BCL9L: variants seen among roughly 807,000 people sequenced by gnomAD.
BCL9L encodes B-cell CLL/lymphoma 9-like protein.
A neutral mutation model predicts 99.4 loss-of-function variants in BCL9L; 19 were observed. That is an observed-to-expected ratio of 0.19 (90% CI 0.13 to 0.28). BCL9L has a LOEUF of 0.28. Ranked by LOEUF, BCL9L falls within the 10% of genes least tolerant of loss-of-function variation. BCL9L has a pLI of 1.00. For missense variants in BCL9L, 2,023 were observed against 2,101.6 expected, an observed-to-expected ratio of 0.96 and a Z score of 0.73; for synonymous variants, 900 against 854.8, an observed-to-expected ratio of 1.05 and a Z score of -0.92.
In BCL9L at chr11:118,901,143, T is replaced by C; in HGVS notation, c.2600A>G (p.Gln867Arg). Residue 867 changes from glutamine (Q) to arginine (R), a missense_variant, in exon 8 of 10, where the codon CAA (glutamine) becomes CGA (arginine). Transcript: ENST00000683865. The surrounding 1 kb of genome is among the most constrained non-coding windows in gnomAD (Gnocchi z 6.6). ...GCTCTGATCAGGGCTGAACATGTCTTGGGTATTGCCCATGTCCTGGGACAT... is the reference window on the plus strand; with the variant it reads ...GCTCTGATCAGGGCTGAACATGTCTCGGGTATTGCCCATGTCCTGGGACAT... ...QAMSQDMGNT[Q>R]DMFSPDQSSM... The C allele has an allele frequency of 6.2e-7, 1 of 1,613,786 alleles. No individual in the cohort carries two copies. Among genetic ancestry groups the C allele is most frequent in the Non-Finnish European group, 8.5e-7 (1 of 1,179,814 alleles).
In BCL9L at chr11:118,900,575, CGCCTGCCTGCCTGCCT is replaced by C. The variant is rs756712665; in HGVS notation, c.3124+28_3124+43del. 1.9e-6 allele frequency: 3 copies of C among 1,558,136 alleles called. No homozygotes were observed. The highest frequency in any genetic ancestry group is 2.7e-5 in the African/African-American group (2 of 74,182). ...GCCCCAGCATGGACACACTGCTCAG[CGCCTGCCTGCCTGCCT>C]GCCTGCCTGCCTGCGCAATTGACTC... is the stretch of plus-strand genomic sequence containing the variant. On this transcript the variant is annotated intron_variant, in intron 8 of 9. Transcript: ENST00000683865. The surrounding 1 kb of genome is among the most constrained non-coding windows in gnomAD (Gnocchi z 5.3).
Position 118,925,410 on chromosome 11 carries a change from G to A in BCL9L, c.-303C>T, listed in dbSNP as rs1941252733. On this transcript the variant is annotated 5_prime_UTR_variant, in exon 1 of 10. Transcript: ENST00000683865. The surrounding 1 kb of genome is among the most constrained non-coding windows in gnomAD (Gnocchi z 6.4). ...TGATCTCAATACCAGCCCGGCCCGG[G>A]AGAGGCTATCCGGGGATCGCTGGGT... is the stretch of plus-strand genomic sequence containing the variant. 1 of 152,222 alleles carries A rather than the reference G, an allele frequency of 6.6e-6. No homozygotes were observed. Among genetic ancestry groups the A allele is most frequent in the African/African-American group, 2.4e-5 (1 of 41,472 alleles). 9.4% of individuals were successfully genotyped at this position (152,222 alleles called of 1,614,324 possible). A position where few individuals can be genotyped will look rare whatever the true frequency, so the allele number is the denominator to read the frequency against.
intron 2 of BCL9L, among the ~76,000 whole-genome samples, chr11:118,911,936 T>C (rs1940810345): frequency 6.6e-6 from 1 of 152,258 alleles, no homozygotes; most frequent in African/African-American, 2.4e-5. Flanking sequence ...GGGAAGGGGC[T>C]ATTAGAAAAT....
chr11:118,903,142 CACCCT>C lies in BCL9L; in HGVS notation c.750-73_750-69del. ...GAGGGAGCCCCACCCTCACCCACCCCACCCTGCCCCTGCACGGGGCTCCCTCGGAA... is the reference window on the plus strand; with the variant it reads ...GAGGGAGCCCCACCCTCACCCACCCCGCCCCTGCACGGGGCTCCCTCGGAA... On this transcript the variant is annotated intron_variant, in intron 6 of 9. Coordinates refer to ENST00000683865, the MANE Select transcript of BCL9L (RefSeq NM_001378213.1). This position sits in a 1 kb window ranked among gnomAD's most constrained non-coding sequence, Gnocchi z 5.6. 1 of 1,546,960 alleles carries C rather than the reference CACCCT, an allele frequency of 6.5e-7. No homozygotes were observed. Among genetic ancestry groups the C allele is most frequent in the Non-Finnish European group, 8.7e-7 (1 of 1,146,694 alleles).
chr11:118,920,645 G>A (rs935929123), intron 1 of BCL9L, among the ~76,000 whole-genome samples: 1 of 152,066 alleles, frequency 6.6e-6, no homozygotes, highest in Non-Finnish European at 1.5e-5. Context: ...TTAGAACACC[G>A]AGCCTCTCTG....
intron 2 of BCL9L, among the ~76,000 whole-genome samples, chr11:118,917,365 G>A (rs142594826): frequency 9.6e-4 from 146 of 152,292 alleles, no homozygotes; most frequent in African/African-American, 3.3e-3. Flanking sequence ...AATGCTTCAC[G>A]TGCATCCTCT....
rs146906683 is a variant in BCL9L at position 118,900,899 on chromosome 11, G to A, written c.2844C>T (p.Pro948=). 7.8e-5 allele frequency: 125 copies of A among 1,593,816 alleles called. No homozygotes were observed. Among genetic ancestry groups the A allele is most frequent in the Non-Finnish European group, 6.3e-5 (73 of 1,167,632 alleles). Reference sequence around the variant, plus strand: ...TCTGGGGTGACTTGAGGTTGGCAGAGGGCGAGGTGACCAGGGGTGAGTGCA... The same window carrying A: ...TCTGGGGTGACTTGAGGTTGGCAGAAGGCGAGGTGACCAGGGGTGAGTGCA... ...SQVHSPLVTS[P]SANLKSPQTP... Residue 948 remains proline, a synonymous_variant, in exon 8 of 10, where the codon CCC becomes CCT. Coordinates refer to ENST00000683865, the MANE Select transcript of BCL9L (RefSeq NM_001378213.1). This position sits in a 1 kb window ranked among gnomAD's most constrained non-coding sequence, Gnocchi z 5.3.
intron 1 of BCL9L, among the ~76,000 whole-genome samples, chr11:118,920,733 G>C (rs1216003365): frequency 6.6e-6 from 1 of 152,176 alleles, no homozygotes; most frequent in African/African-American, 2.4e-5. Context: ...CTAGGTGTCC[G>C]TGAGGGGTAG....
At chr11:118,916,229 A>C (rs1003064235) in intron 2 of BCL9L, among the ~76,000 whole-genome samples, 1 of 152,104 alleles carries the variant, frequency 6.6e-6, no homozygotes, top group African/African-American at 2.4e-5. Context: ...GCTCCAGCCC[A>C]CCCCTCTTGG....
Position 118,925,088 on chromosome 11 carries a change from T to TC in BCL9L, c.-131+149dup. ...GTAGCCTCCACTGACCCTGGGGGAGTCCCCCACACCTTAAACAGCCTGGGG... is the reference window on the plus strand; with the variant it reads ...GTAGCCTCCACTGACCCTGGGGGAGTCCCCCCACACCTTAAACAGCCTGGGG... On this transcript the variant is annotated intron_variant, in intron 1 of 9. Coordinates refer to ENST00000683865, the MANE Select transcript of BCL9L (RefSeq NM_001378213.1). The surrounding 1 kb of genome is among the most constrained non-coding windows in gnomAD (Gnocchi z 6.4). 6.6e-6 allele frequency: 1 copy of TC among 151,950 alleles called. No homozygotes were observed. Among genetic ancestry groups the TC allele is most frequent in the Admixed American group, 6.6e-5 (1 of 15,266 alleles). 9.4% of individuals were successfully genotyped at this position (151,950 alleles called of 1,614,324 possible). A position where few individuals can be genotyped will look rare whatever the true frequency, so the allele number is the denominator to read the frequency against.
Position 118,905,710 on chromosome 11 carries a change from G to A in BCL9L, c.532+1773C>T, listed in dbSNP as rs547962697. On this transcript the variant is annotated intron_variant, in intron 5 of 9. Transcript: ENST00000683865. The stretch of plus-strand genomic sequence containing the variant: ...CAGGTGCCTGTAATCCCAGCTACTC[G>A]GGAGGCTGAGGCAGGAAAATCGCTT... Among the ~76,000 whole-genome samples the A allele has an allele frequency of 8.6e-5, 13 of 151,860 alleles. No individual in the cohort carries two copies. In the East Asian group the frequency reaches 1.5e-3, roughly 18 times the overall value.
At chr11:118,905,304 T>C (rs1591985644) in intron 5 of BCL9L, among the ~76,000 whole-genome samples, 1 of 151,312 alleles carries the variant, frequency 6.6e-6, no homozygotes, top group Non-Finnish European at 1.5e-5. Flanking sequence ...AGGGCAGGAG[T>C]TCAAGACCAG....
chr11:118,910,368 G>A (rs1940727626), intron 2 of BCL9L: 1 of 181,772 alleles, frequency 5.5e-6, no homozygotes, highest in South Asian at 1.1e-4. Flanking sequence ...CCTCACCCAG[G>A]GTGGGGTACC....
Position 118,903,028 on chromosome 11 carries a change from A to G in BCL9L, c.796T>C (p.Tyr266His). The change falls in exon 7 of 10, where the codon TAC (tyrosine) becomes CAC (histidine). Residue 266 changes from tyrosine (Y) to histidine (H), a missense_variant. Physicochemically the swap from Tyr to His is moderately conservative, Grantham distance 83 (BLOSUM62 2). Coordinates refer to ENST00000683865, the MANE Select transcript of BCL9L (RefSeq NM_001378213.1). The surrounding 1 kb of genome is among the most constrained non-coding windows in gnomAD (Gnocchi z 5.6). ...LQGRADSILA[Y>H]HQQNVPRAKL... ...GCCCGGGGCACGTTCTGCTGGTGGT[A>G]GGCGAGGATGGAGTCGGCCCGGCCC... The G allele has an allele frequency of 1.3e-6, 2 of 1,595,432 alleles. No homozygotes were observed. The highest frequency in any genetic ancestry group is 1.7e-6 in the Non-Finnish European group (2 of 1,174,850).
At position 118,901,385 on chromosome 11, in the gene BCL9L, C is replaced by T. The variant is rs899587692; in HGVS notation, c.2358G>A (p.Val786=). 4 of 1,613,834 alleles carry T rather than the reference C, an allele frequency of 2.5e-6. No individual in the cohort carries two copies. The African/African-American group carries it at 5.3e-5, about 22-fold the overall frequency. ...GCATCTGCTGCTGCGGGGTCATCTGCACGTTCAGGTTCATGTTCATGTTCA... is the reference window on the plus strand; with the variant it reads ...GCATCTGCTGCTGCGGGGTCATCTGTACGTTCAGGTTCATGTTCATGTTCA... ...VNMNMNMNLN[V]QMTPQQQMLM... Residue 786 remains valine, a synonymous_variant, in exon 8 of 10, where the codon GTG becomes GTA. Transcript: ENST00000683865. The surrounding 1 kb of genome is among the most constrained non-coding windows in gnomAD (Gnocchi z 6.6).
chr11:118,918,010 C>T (rs1941018391), intron 2 of BCL9L, among the ~76,000 whole-genome samples: 1 of 152,238 alleles, frequency 6.6e-6, no homozygotes, highest in Admixed American at 6.5e-5. Flanking sequence ...CTCCCCATCT[C>T]TTTCATTCCT....
rs180857346 is a variant in BCL9L at position 118,898,034 on chromosome 11, G to C, written c.*381C>G. On this transcript the variant is annotated 3_prime_UTR_variant, in exon 10 of 10. Coordinates refer to ENST00000683865, the MANE Select transcript of BCL9L (RefSeq NM_001378213.1). ...GACAGGAGCAGAAGGGGCTGGGGGA[G>C]ACCTGACCTGTCCTTCCTCTCTCCC... is the stretch of plus-strand genomic sequence containing the variant. 4 of 417,312 alleles carry C rather than the reference G, an allele frequency of 9.6e-6. No homozygotes were observed. Among genetic ancestry groups the C allele is most frequent in the Non-Finnish European group, 1.8e-5 (4 of 220,048 alleles). The allele number at this position is 417,312 out of a possible 1,614,324, so 25.9% of individuals were successfully genotyped here.
At position 118,922,142 on chromosome 11, in the gene BCL9L, T is replaced by C. The variant is rs1467759773; in HGVS notation, c.-131+3096A>G. 6.6e-6 allele frequency among the ~76,000 whole-genome samples: 1 copy of C among 151,880 alleles called. No individual in the cohort carries two copies. The highest frequency in any genetic ancestry group is 2.4e-5 in the African/African-American group (1 of 41,372). ...AGCCTCCAGGGAAAGTCAGGCTGAG[T>C]TCTCCCAGGAGGGGAGGGAGGGGAG... On this transcript the variant is annotated intron_variant, in intron 1 of 9. Transcript: ENST00000683865. This position sits in a 1 kb window ranked among gnomAD's most constrained non-coding sequence, Gnocchi z 6.2.
chr11:118,909,923 T>G lies in BCL9L; in HGVS notation c.17A>C (p.Asn6Thr). Residue 6 changes from asparagine to threonine, a missense_variant, in exon 3 of 10, where the codon AAC becomes ACC. By Grantham distance (65) the Asn-to-Thr change is moderately conservative. Around this residue, in one of 3 missense-constraint regions of BCL9L, gnomAD observed 1,116 missense variants for 1,194.6 expected, o/e 0.93. Transcript: ENST00000683865. ...CACGACACCCACACACCTTGTCTTG[T>G]TAGCCAGGATCCTCATGGCTCCCAC... Reference protein sequence around the residue: MRILANKTRLPHPRRR... With the variant: MRILATKTRLPHPRRR... The G allele has an allele frequency of 6.2e-7, 1 of 1,614,048 alleles. No individual in the cohort carries two copies. The highest frequency in any genetic ancestry group is 8.5e-7 in the Non-Finnish European group (1 of 1,179,948).
Sources: gnomAD v4.1 joint callset for allele counts (sites outside exome capture counted in the v4.1 genomes callset) on GRCh38, gnomAD v4.1.1 for gene constraint, gnomAD v4.1.1 regional missense constraint, Gnocchi (gnomAD v3.1) non-coding constraint, MANE v1.5 for transcripts, NCBI Gene and HGNC (gene_info 2026-07-23, HGNC 2026-07-21) for gene names.